The following ANKRD11 variants were observed in gnomAD, a reference collection of about 807,000 sequenced individuals.
ANKRD11 encodes the protein ankyrin repeat domain-containing protein 11.
A neutral mutation model predicts 195.7 loss-of-function variants in ANKRD11; 17 were observed. The observed-to-expected ratio is 0.09, with a 90% CI of 0.06 to 0.13. The LOEUF is 0.13. Ranked by LOEUF, ANKRD11 falls within the 10% of genes least tolerant of loss-of-function variation. The pLI, the probability that ANKRD11 is intolerant of heterozygous loss-of-function variation, is 1.00. For synonymous variants in ANKRD11, 1,953 were observed against 1,528.1 expected (o/e 1.28, Z -6.49); for missense variants, 3,735 against 3,566.1 (o/e 1.05, Z -1.21).
intron 1 of ANKRD11, among the ~76,000 whole-genome samples, chr16:89,482,261 A>C (rs1174522204): frequency 6.6e-6 from 1 of 152,230 alleles, no homozygotes; most frequent in Non-Finnish European, 1.5e-5. Context: ...TTGGAAAAGC[A>C]GTCAGGTGAG....
intron 2 of ANKRD11, among the ~76,000 whole-genome samples, chr16:89,413,439 C>G (rs1040088842): frequency 9.9e-5 from 15 of 152,094 alleles, no homozygotes; most frequent in Admixed American, 9.8e-4. Context: ...TCCTAGCTAA[C>G]ACGAGGAAAC....
chr16:89,475,791 T>A (rs74576033), intron 1 of ANKRD11, among the ~76,000 whole-genome samples: 4,059 of 152,166 alleles, frequency 0.027, 193 homozygotes, highest in African/African-American at 0.091. Context: ...GGCTCACACC[T>A]GGAATCCCAG....
At chr16:89,370,971 C>G (rs2040167070) in intron 2 of ANKRD11, among the ~76,000 whole-genome samples, 1 of 152,176 alleles carries the variant, frequency 6.6e-6, no homozygotes, top group South Asian at 2.1e-4. Flanking sequence ...ACGAGACAAC[C>G]CTAGGGCTCC....
At chr16:89,385,088 G>A (rs1215571992) in intron 2 of ANKRD11, among the ~76,000 whole-genome samples, 2 of 151,910 alleles carry the variant, frequency 1.3e-5, no homozygotes, top group Non-Finnish European at 2.9e-5. Flanking sequence ...ATTTCACCAT[G>A]TTGGCCAGGC....
intron 1 of ANKRD11, among the ~76,000 whole-genome samples, chr16:89,448,907 C>G (rs2043929897): frequency 6.6e-6 from 1 of 152,132 alleles, no homozygotes; most frequent in African/African-American, 2.4e-5. Flanking sequence ...AAGCAGTGCC[C>G]CGGACCTGGC....
intron 2 of ANKRD11, among the ~76,000 whole-genome samples, chr16:89,368,764 G>A (rs1001280488): frequency 6.6e-6 from 1 of 152,050 alleles, no homozygotes; most frequent in Non-Finnish European, 1.5e-5. Context: ...AAATTAGTCA[G>A]GTGTGGTGGT....
rs151330983 is a variant in ANKRD11, at chr16:89,326,353, G to A, written c.-59-9275C>T. Among the ~76,000 whole-genome samples, 666 of 152,162 alleles carry A rather than the reference G, an allele frequency of 4.4e-3. 6 individuals are homozygous for A. The highest frequency in any genetic ancestry group is 0.016 in the African/African-American group (646 of 41,476). On this transcript the variant is annotated intron_variant, in intron 2 of 12. Transcript: ENST00000301030. ...GTTGCTGGGAATGCAGAGGAGGACGGTCTGCAGAAGGGGACGCAGCCACCG... is the reference window on the plus strand; with the variant it reads ...GTTGCTGGGAATGCAGAGGAGGACGATCTGCAGAAGGGGACGCAGCCACCG...
chr16:89,379,078 CCA>C lies in ANKRD11; in HGVS notation c.-60+39204_-60+39205del, dbSNP rs773122573. Among the ~76,000 whole-genome samples the C allele has an allele frequency of 7.9e-5, 12 of 152,304 alleles. No individual in the cohort carries two copies. In the East Asian group the frequency reaches 2.3e-3, roughly 29 times the overall value. ...ACTGAAAACTTAGGGTCGTCCATGC[CCA>C]GAACGTCGGCAGTGCGGACCAGCCC... On this transcript the variant is annotated intron_variant, in intron 2 of 12. Coordinates refer to ENST00000301030, the MANE Select transcript of ANKRD11 (RefSeq NM_013275.6).
intron 1 of ANKRD11, among the ~76,000 whole-genome samples, chr16:89,450,010 A>G (rs1198984468): frequency 1.3e-5 from 2 of 152,168 alleles, no homozygotes; most frequent in African/African-American, 2.4e-5. Flanking sequence ...GGAGCACTTT[A>G]TCTCACAACA....
At chr16:89,357,294 A>G (rs529457841) in intron 2 of ANKRD11, among the ~76,000 whole-genome samples, 4 of 152,292 alleles carry the variant, frequency 2.6e-5, no homozygotes, top group Admixed American at 2.6e-4. Context: ...AAGGAAGGGC[A>G]GTCAGGGACT....
chr16:89,439,730 C>A (rs2043364039), intron 1 of ANKRD11, among the ~76,000 whole-genome samples: 1 of 152,172 alleles, frequency 6.6e-6, no homozygotes, highest in South Asian at 2.1e-4. Context: ...CAGATCTATT[C>A]TTCATCTACA....
intron 9 of ANKRD11, chr16:89,277,403 T>G (rs1277131746): frequency 6.6e-6 from 1 of 152,104 alleles, no homozygotes; most frequent in African/African-American, 2.4e-5. Flanking sequence ...AGGCGGGAGG[T>G]GCACAGAACA....
intron 1 of ANKRD11, chr16:89,489,284 G>A (rs1448684479): frequency 6.6e-6 from 1 of 152,300 alleles, no homozygotes; most frequent in Admixed American, 6.5e-5. Flanking sequence ...CGCCCTGCCA[G>A]GGGATGATGA....
At chr16:89,326,077 C>A (rs2037700369) in intron 2 of ANKRD11, among the ~76,000 whole-genome samples, 1 of 152,238 alleles carries the variant, frequency 6.6e-6, no homozygotes, top group Non-Finnish European at 1.5e-5. Context: ...AAGGAAAATG[C>A]TTCTTTTACA....
chr16:89,415,107 C>G (rs551956427), intron 2 of ANKRD11, among the ~76,000 whole-genome samples: 1 of 152,074 alleles, frequency 6.6e-6, no homozygotes, highest in South Asian at 2.1e-4. Context: ...ATGCATGCCA[C>G]CATGCCTGGC....
chr16:89,279,866 C>T lies in ANKRD11; in HGVS notation c.6676G>A (p.Val2226Met), dbSNP rs1169229013. 2.9e-5 allele frequency: 45 copies of T among 1,563,884 alleles called. No individual in the cohort carries two copies. Among genetic ancestry groups the T allele is most frequent in the Non-Finnish European group, 3.7e-5 (43 of 1,155,962 alleles). Reference protein sequence around the residue: ...ALEAAVEAETVPEERARGDPD... With the variant: ...ALEAAVEAETMPEERARGDPD... ...TCCCCACGGGCCCTCTCTTCCGGCA[C>T]CGTCTCCGCCTCCACCGCAGCTTCT... Residue 2226 changes from valine to methionine, a missense_variant, in exon 9 of 13, where the codon GTG (valine) becomes ATG (methionine). Transcript: ENST00000301030. This position sits in a 1 kb window ranked among gnomAD's most constrained non-coding sequence, Gnocchi z 5.6.
intron 1 of ANKRD11, among the ~76,000 whole-genome samples, chr16:89,431,507 C>T (rs898153661): frequency 1.3e-5 from 2 of 152,200 alleles, no homozygotes; most frequent in Non-Finnish European, 2.9e-5. Context: ...TGGAACATAA[C>T]TGGCACTCAT....
chr16:89,346,598 C>T (rs923696101), intron 2 of ANKRD11, among the ~76,000 whole-genome samples: 2 of 152,144 alleles, frequency 1.3e-5, no homozygotes, highest in African/African-American at 4.8e-5. Context: ...GACCAGAAAA[C>T]ACAGCCTTCA....
At chr16:89,362,201 T>C (rs2039761268) in intron 2 of ANKRD11, among the ~76,000 whole-genome samples, 1 of 152,256 alleles carries the variant, frequency 6.6e-6, no homozygotes, top group Admixed American at 6.5e-5. Flanking sequence ...AACTGCCTTC[T>C]TCTTCCCCTT....
Sources: allele counts gnomAD v4.1 joint callset (sites outside exome capture counted in the v4.1 genomes callset), GRCh38; gene constraint gnomAD v4.1.1; non-coding constraint Gnocchi (gnomAD v3.1); transcripts MANE v1.5; gene names NCBI Gene and HGNC (gene_info 2026-07-23, HGNC 2026-07-21).